Variants in PLPP1 observed in about 807,000 individuals in gnomAD.
The protein encoded by PLPP1 is lipid phosphate phosphohydrolase 1a.
A neutral mutation model predicts 31.2 loss-of-function variants in PLPP1; 24 were observed. The observed-to-expected ratio is 0.77, with a 90% CI of 0.56 to 1.08. The LOEUF (loss-of-function observed/expected upper bound fraction) is 1.08. Ranked by LOEUF, PLPP1 falls within the 50% of genes least tolerant of loss-of-function variation. The pLI, the probability that PLPP1 is intolerant of heterozygous loss-of-function variation, is 0.00. For synonymous variants in PLPP1, 146 were observed against 126.3 expected (o/e 1.16, Z -1.05); for missense variants, 319 against 342.7 (o/e 0.93, Z 0.55).
At chr5:55,474,090 A>G (rs112792983) in intron 2 of PLPP1, among the ~76,000 whole-genome samples, 14 of 149,438 alleles carry the variant, frequency 9.4e-5, no homozygotes, top group African/African-American at 3.4e-4. Flanking sequence ...TCTGCCTCCT[A>G]GGTTCAAGCG....
rs1554039230 is a variant in PLPP1, at chr5:55,473,997, G to GTTTTTGTTTTTT, written c.210+1301_210+1302insAAAAAACAAAAA. Among the ~76,000 whole-genome samples the GTTTTTGTTTTTT allele has an allele frequency of 7.5e-4, 21 of 28,074 alleles. 4 individuals are homozygous for GTTTTTGTTTTTT. The highest frequency in any genetic ancestry group is 1.6e-3 in the South Asian group (1 of 610). The allele number at this position is 28,074 out of a possible 152,430, so 18.4% of individuals were successfully genotyped here. A position where few individuals can be genotyped will look rare whatever the true frequency, so the allele number is the denominator to read the frequency against. ...TTTCTGGTTTTTTTGTTTGTTTGTTGTTTTTTTTTTTTTTTTCCAGACGGA... is the reference window on the plus strand; with the variant it reads ...TTTCTGGTTTTTTTGTTTGTTTGTTGTTTTTGTTTTTTTTTTTTTTTTTTTTTTCCAGACGGA... On this transcript the variant is annotated intron_variant, in intron 2 of 5. Coordinates refer to ENST00000307259, the MANE Select transcript of PLPP1 (RefSeq NM_003711.4).
chr5:55,520,848 G>C (rs1033356743), intron 1 of PLPP1, among the ~76,000 whole-genome samples: 1 of 152,188 alleles, frequency 6.6e-6, no homozygotes, highest in Non-Finnish European at 1.5e-5. Flanking sequence ...AAAGTAATGT[G>C]CCCAAAAGTT....
chr5:55,468,597 T>C (rs966180825), intron 2 of PLPP1, among the ~76,000 whole-genome samples: 2 of 151,670 alleles, frequency 1.3e-5, no homozygotes, highest in Admixed American at 1.3e-4. Flanking sequence ...AGGTCAGGAG[T>C]TCGAGACCAG....
intron 1 of PLPP1, among the ~76,000 whole-genome samples, chr5:55,476,377 G>C (rs772417127): frequency 4.7e-4 from 71 of 152,128 alleles, no homozygotes; most frequent in Non-Finnish European, 8.7e-4. Context: ...ACCTAACAGA[G>C]AGCGCTGTTT....
intron 3 of PLPP1, among the ~76,000 whole-genome samples, chr5:55,450,356 G>C (rs1024025550): frequency 4.5e-4 from 69 of 152,320 alleles, no homozygotes; most frequent in African/African-American, 1.5e-3. Context: ...GTAGGACACA[G>C]TAGGTATGTG....
intron 3 of PLPP1, among the ~76,000 whole-genome samples, chr5:55,446,592 T>TCA (rs1202444560): frequency 6.6e-6 from 1 of 152,198 alleles, no homozygotes; most frequent in Non-Finnish European, 1.5e-5. Flanking sequence ...TAGAATGAAG[T>TCA]CATTAGGACT....
chr5:55,458,424 T>TA lies in PLPP1; in HGVS notation c.491+9444dup, dbSNP rs947906292. Among the ~76,000 whole-genome samples, 989 of 146,826 alleles carry TA rather than the reference T, an allele frequency of 6.7e-3. 15 individuals are homozygous for TA. The highest frequency in any genetic ancestry group is 0.021 in the African/African-American group (860 of 40,158). On this transcript the variant is annotated intron_variant, in intron 3 of 5. Transcript: ENST00000307259. ...CTGTAGCTTAGTCATGTATTAACCT[T>TA]AAAAAAAAAAATTAAATATATGAAG...
chr5:55,489,255 C>T (rs1192676082), intron 1 of PLPP1, among the ~76,000 whole-genome samples: 6 of 152,190 alleles, frequency 3.9e-5, no homozygotes, highest in African/African-American at 1.4e-4. Context: ...GCAATTATCT[C>T]CTCAAATACA....
intron 1 of PLPP1, among the ~76,000 whole-genome samples, chr5:55,488,559 T>C (rs1561243156): frequency 6.6e-6 from 1 of 151,984 alleles, no homozygotes; most frequent in Non-Finnish European, 1.5e-5. Context: ...GGCAGGAGAA[T>C]TGCTTGTACC....
chr5:55,449,573 G>A (rs1751850558), intron 3 of PLPP1, among the ~76,000 whole-genome samples: 1 of 151,952 alleles, frequency 6.6e-6, no homozygotes, highest in Non-Finnish European at 1.5e-5. Context: ...CAGTGAATCG[G>A]GCCCTGTTCT....
At chr5:55,495,578 A>G (rs1364345939) in intron 1 of PLPP1, among the ~76,000 whole-genome samples, 1 of 152,190 alleles carries the variant, frequency 6.6e-6, no homozygotes, top group Non-Finnish European at 1.5e-5. Flanking sequence ...TGAGGTCTTT[A>G]CTGAGAATAT....
At chr5:55,528,997 C>G (rs1740565422) in intron 1 of PLPP1, among the ~76,000 whole-genome samples, 1 of 152,056 alleles carries the variant, frequency 6.6e-6, no homozygotes, top group Admixed American at 6.6e-5. Context: ...GTATCACGGT[C>G]ACACATTATA....
chr5:55,505,602 G>C (rs1230349394), intron 1 of PLPP1, among the ~76,000 whole-genome samples: 1 of 152,100 alleles, frequency 6.6e-6, no homozygotes, highest in African/African-American at 2.4e-5. Context: ...AAATATCTAT[G>C]TTTGAAAACT....
chr5:55,483,485 A>C (rs568870103), intron 1 of PLPP1, among the ~76,000 whole-genome samples: 2 of 152,224 alleles, frequency 1.3e-5, no homozygotes, highest in South Asian at 4.2e-4. Context: ...CAGCCTGGCC[A>C]ATGTAGTGAA....
intron 1 of PLPP1, among the ~76,000 whole-genome samples, chr5:55,523,017 C>CG (rs1445142855): frequency 4.6e-5 from 7 of 152,164 alleles, no homozygotes; most frequent in Non-Finnish European, 1.0e-4. Flanking sequence ...CACGCCAGGC[C>CG]CAATAATGAT....
chr5:55,532,844 C>G (rs551343067), intron 1 of PLPP1, among the ~76,000 whole-genome samples: 1 of 151,662 alleles, frequency 6.6e-6, no homozygotes, highest in African/African-American at 2.4e-5. Flanking sequence ...GTAATCCCAG[C>G]TACTCAGGAG....
At chr5:55,454,147 C>T (rs1262555753) in intron 3 of PLPP1, among the ~76,000 whole-genome samples, 7 of 151,942 alleles carry the variant, frequency 4.6e-5, no homozygotes, top group Admixed American at 4.6e-4. Flanking sequence ...TCTTCACATG[C>T]AAAAGTTTAT....
chr5:55,482,965 G>C (rs572761588), intron 1 of PLPP1, among the ~76,000 whole-genome samples: 5 of 152,132 alleles, frequency 3.3e-5, no homozygotes, highest in African/African-American at 1.2e-4. Context: ...AAGAACTTCA[G>C]AAAATCCACA....
At chr5:55,481,341 A>C (rs1752664223) in intron 1 of PLPP1, among the ~76,000 whole-genome samples, 1 of 152,228 alleles carries the variant, frequency 6.6e-6, no homozygotes, top group Non-Finnish European at 1.5e-5. Flanking sequence ...TGTTTTAAGG[A>C]TCACCTATAT....
Sources: allele counts gnomAD v4.1 joint callset (sites outside exome capture counted in the v4.1 genomes callset), GRCh38; gene constraint gnomAD v4.1.1; transcripts MANE v1.5; gene names NCBI Gene and HGNC (gene_info 2026-07-23, HGNC 2026-07-21).